SLC4A7: variants seen among roughly 807,000 people sequenced by gnomAD.
SLC4A7 encodes the protein sodium bicarbonate cotransporter 3.
A neutral mutation model predicts 137.6 loss-of-function variants in SLC4A7; 51 were observed. That is an observed-to-expected ratio of 0.37 (90% CI 0.30 to 0.47). The LOEUF is 0.47. Ranked by LOEUF, SLC4A7 falls within the 20% of genes least tolerant of loss-of-function variation. The pLI is 1.00. For missense variants in SLC4A7, 1,247 were observed against 1,525.4 expected, an observed-to-expected ratio of 0.82 and a Z score of 3.04; for synonymous variants, 542 against 518.6, an observed-to-expected ratio of 1.05 and a Z score of -0.61.
chr3:27,474,659 T>C (rs745910897), intron 1 of SLC4A7, among the ~76,000 whole-genome samples: 31 of 151,916 alleles, frequency 2.0e-4, no homozygotes, highest in East Asian at 3.9e-4. Flanking sequence ...GATCACGCCA[T>C]TGCACTCCAG....
intron 3 of SLC4A7, among the ~76,000 whole-genome samples, chr3:27,444,791 T>C (rs999946779): frequency 1.6e-4 from 25 of 152,238 alleles, no homozygotes; most frequent in Admixed American, 5.2e-4. Context: ...ATCTGTCTTA[T>C]TATTTTTCTC....
chr3:27,429,269 CA>C (rs961808475), intron 7 of SLC4A7, among the ~76,000 whole-genome samples: 14 of 143,056 alleles, frequency 9.8e-5, no homozygotes, highest in South Asian at 2.2e-4. Flanking sequence ...TCCATCTCCA[CA>C]AAAAAAAAAG....
chr3:27,439,259 G>C (rs2057004078), intron 3 of SLC4A7, among the ~76,000 whole-genome samples: 7 of 152,128 alleles, frequency 4.6e-5, no homozygotes, highest in Admixed American at 4.6e-4. Flanking sequence ...AAGATTAAGA[G>C]GGATGCAGAA....
At chr3:27,418,882 A>C (rs2054652312) in intron 10 of SLC4A7, among the ~76,000 whole-genome samples, 1 of 152,204 alleles carries the variant, frequency 6.6e-6, no homozygotes, top group African/African-American at 2.4e-5. Context: ...TTTTTTAAAA[A>C]TAAAATTTTG....
chr3:27,439,975 T>C (rs2057059933), intron 3 of SLC4A7, among the ~76,000 whole-genome samples: 1 of 152,228 alleles, frequency 6.6e-6, no homozygotes, highest in Admixed American at 6.5e-5. Flanking sequence ...TTTGAACCTA[T>C]TTAGATAGTT....
chr3:27,420,030 T>C, intron 10 of SLC4A7, among the ~76,000 whole-genome samples: 1 of 151,508 alleles, frequency 6.6e-6, no homozygotes, highest in Non-Finnish European at 1.5e-5. Flanking sequence ...CTACTAAAAA[T>C]ACAGAAAAAT....
At chr3:27,452,761 AT>A (rs1268368320) in intron 1 of SLC4A7, among the ~76,000 whole-genome samples, 1 of 152,154 alleles carries the variant, frequency 6.6e-6, no homozygotes, top group African/African-American at 2.4e-5. Flanking sequence ...ATAACTGGTA[AT>A]ATATTCATTT....
intron 3 of SLC4A7, among the ~76,000 whole-genome samples, chr3:27,442,468 C>G (rs1576487632): frequency 6.8e-6 from 1 of 147,706 alleles, no homozygotes; most frequent in Non-Finnish European, 1.5e-5. Context: ...GAGACAGCGT[C>G]TCACTCCCAG....
rs1353336702 is a variant in SLC4A7, at chr3:27,431,527, C to A, written c.921G>T (p.Arg307Ser). ...SSRAGTPAGS[R>S]CTTPVPTPQN... is the part of the protein sequence containing the mutation. ...GAGGGGTGGGTACTGGGGTTGTACA[C>A]CTTGAGCCTGCAGGGGTTCCAGCTC... Residue 307 changes from arginine (R) to serine (S), a missense_variant, in exon 7 of 26, where the codon AGG (arginine) becomes AGT (serine). Physicochemically the swap from Arg to Ser is moderately radical, Grantham distance 110. Coordinates refer to ENST00000454389, the MANE Select transcript of SLC4A7 (RefSeq NM_001321103.2). 1.2e-6 allele frequency: 2 copies of A among 1,614,038 alleles called. No homozygotes were observed. The highest frequency in any genetic ancestry group is 1.7e-5 in the Admixed American group (1 of 60,014).
intron 25 of SLC4A7, among the ~76,000 whole-genome samples, chr3:27,378,400 T>G (rs1439550863): frequency 6.6e-6 from 1 of 152,076 alleles, no homozygotes; most frequent in Non-Finnish European, 1.5e-5. Context: ...TCACACAAAC[T>G]GTACATAAAA....
At chr3:27,449,832 C>T (rs754191298) in intron 2 of SLC4A7, among the ~76,000 whole-genome samples, 10 of 152,190 alleles carry the variant, frequency 6.6e-5, no homozygotes, top group Non-Finnish European at 1.2e-4. Context: ...TGATTAATGA[C>T]ATTCCTTTCC....
chr3:27,474,416 T>C (rs1353680605), intron 1 of SLC4A7, among the ~76,000 whole-genome samples: 1 of 152,226 alleles, frequency 6.6e-6, no homozygotes, highest in Non-Finnish European at 1.5e-5. Flanking sequence ...ATATATCACA[T>C]TTTAAATATT....
rs570484593 is a variant in SLC4A7, at chr3:27,393,580, G to A, written c.3117+938C>T. On this transcript the variant is annotated intron_variant, in intron 20 of 25. Coordinates refer to ENST00000454389, the MANE Select transcript of SLC4A7 (RefSeq NM_001321103.2). ...ATTAGAAAGACTTATTTGGTCTTCA[G>A]GCTTGGGCTGGAGTAAAATAGAGTA... 3.3e-5 allele frequency among the ~76,000 whole-genome samples: 5 copies of A among 152,262 alleles called. No homozygotes were observed. In the East Asian group the frequency reaches 7.7e-4, roughly 24 times the overall value.
intron 20 of SLC4A7, among the ~76,000 whole-genome samples, chr3:27,393,242 T>A (rs865946340): frequency 1.8e-4 from 27 of 152,142 alleles, no homozygotes; most frequent in South Asian, 1.5e-3. Flanking sequence ...TTAAAAAAAA[T>A]TTTTTTGGTT....
chr3:27,397,459 T>C (rs1182376618), intron 18 of SLC4A7, among the ~76,000 whole-genome samples: 3 of 152,030 alleles, frequency 2.0e-5, no homozygotes, highest in Non-Finnish European at 4.4e-5. Context: ...TCACTCTCTC[T>C]AATGGACCAG....
At chr3:27,452,047 A>G (rs1015400338) in intron 2 of SLC4A7, among the ~76,000 whole-genome samples, 1 of 152,174 alleles carries the variant, frequency 6.6e-6, no homozygotes, top group Non-Finnish European at 1.5e-5. Flanking sequence ...TGTAACACCT[A>G]TAAAATGAAT....
intron 1 of SLC4A7, among the ~76,000 whole-genome samples, chr3:27,478,353 A>G (rs976492440): frequency 3.3e-5 from 5 of 151,774 alleles, no homozygotes; most frequent in Admixed American, 2.0e-4. Flanking sequence ...CCCTGTCTCT[A>G]CTAAAAATAC....
chr3:27,398,286 T>C lies in SLC4A7; in HGVS notation c.2495A>G (p.Asp832Gly). 1 of 1,613,442 alleles carries C rather than the reference T, an allele frequency of 6.2e-7. No individual in the cohort carries two copies. Among genetic ancestry groups the C allele is most frequent in the Non-Finnish European group, 8.5e-7 (1 of 1,179,586 alleles). ...CAAGATGACACACCAAAAGAGCACA[T>C]CTGGAATATAAGGTCCATGATGACC... ...ACGHHGPYIPDVLFWCVILFF... is the reference protein window; with the variant it reads ...ACGHHGPYIPGVLFWCVILFF... Residue 832 changes from aspartate to glycine, a missense_variant, in exon 17 of 26, where the codon GAT (aspartate) becomes GGT (glycine). By Grantham distance (94) the Asp-to-Gly change is moderately conservative. Around this residue, in one of 6 missense-constraint regions of SLC4A7, gnomAD observed 499 missense variants for 664.2 expected, o/e 0.75. Transcript: ENST00000454389.
At chr3:27,377,628 A>T (rs1023375768) in intron 25 of SLC4A7, among the ~76,000 whole-genome samples, 1 of 152,110 alleles carries the variant, frequency 6.6e-6, no homozygotes, top group African/African-American at 2.4e-5. Flanking sequence ...CCTGACCTCA[A>T]ATCATCCACT....
Sources: allele counts gnomAD v4.1 joint callset (sites outside exome capture counted in the v4.1 genomes callset), GRCh38; gene constraint gnomAD v4.1.1; regional missense constraint gnomAD v4.1.1; transcripts MANE v1.5; gene names NCBI Gene and HGNC (gene_info 2026-07-23, HGNC 2026-07-21).